Variants in TAOK1 observed in about 807,000 individuals in gnomAD.
TAOK1 encodes serine/threonine-protein kinase TAO1.
In TAOK1, 21 loss-of-function variants were observed where a neutral mutation model predicts 138.3. The ratio of observed to expected loss-of-function variants is 0.15; its 90% CI spans 0.11 to 0.22. TAOK1 has a LOEUF of 0.22. Ranked by LOEUF, TAOK1 falls within the 10% of genes least tolerant of loss-of-function variation. The probability of loss-of-function intolerance (pLI) is 1.00; values close to 1 mark genes in which losing one functional copy is unlikely to be tolerated. For synonymous variants in TAOK1, 361 were observed against 398.4 expected, an observed-to-expected ratio of 0.91 and a Z score of 1.12; for missense variants, 651 against 1,227.7, an observed-to-expected ratio of 0.53 and a Z score of 7.02.
At chr17:29,463,651 G>A (rs1173318030) in intron 2 of TAOK1, among the ~76,000 whole-genome samples, 1 of 152,068 alleles carries the variant, frequency 6.6e-6, no homozygotes, top group Admixed American at 6.6e-5. Context: ...AGAAGAAAAT[G>A]TAGGGATAAA....
intron 1 of TAOK1, among the ~76,000 whole-genome samples, chr17:29,394,150 G>GTTTTT (rs58117433): frequency 0.059 from 2,842 of 48,378 alleles, 657 homozygotes; most frequent in Non-Finnish European, 0.078. Flanking sequence ...TAATTTGCCA[G>GTTTTT]TTTTTTTTTT....
At chr17:29,486,065 C>G (rs1033155647) in intron 8 of TAOK1, among the ~76,000 whole-genome samples, 23 of 152,066 alleles carry the variant, frequency 1.5e-4, no homozygotes, top group African/African-American at 5.6e-4. Context: ...GTGGGAAGAT[C>G]GCTTGAGCCC....
chr17:29,452,813 CTTCA>C (rs1178142859), intron 2 of TAOK1, among the ~76,000 whole-genome samples: 1 of 152,206 alleles, frequency 6.6e-6, no homozygotes, highest in Non-Finnish European at 1.5e-5. Flanking sequence ...TCTGTGAGAA[CTTCA>C]TTCTTCTTTA....
intron 17 of TAOK1, among the ~76,000 whole-genome samples, chr17:29,522,731 C>G (rs1201514488): frequency 1.3e-5 from 2 of 152,136 alleles, no homozygotes; most frequent in East Asian, 1.9e-4. Context: ...GTGGCCAAAA[C>G]TTTTAACCAT....
chr17:29,457,577 T>C (rs1421382724), intron 2 of TAOK1, among the ~76,000 whole-genome samples: 6 of 146,092 alleles, frequency 4.1e-5, no homozygotes, highest in Non-Finnish European at 9.1e-5. Flanking sequence ...GGCTAATTTT[T>C]GTATTTTTAG....
Position 29,439,012 on chromosome 17 carries a change from CT to C in TAOK1, c.-94-12435del, listed in dbSNP as rs556387073. Among the ~76,000 whole-genome samples the C allele has an allele frequency of 7.9e-5, 12 of 151,936 alleles. No individual in the cohort carries two copies. In the South Asian group the frequency reaches 8.3e-4, roughly 10 times the overall value. ...CATATATTGCTATGTTACGTAGACA[CT>C]TTTTTTTCCCTGAACCGTTTGAATT... On this transcript the variant is annotated intron_variant, in intron 1 of 19. Coordinates refer to ENST00000261716, the MANE Select transcript of TAOK1 (RefSeq NM_020791.4).
Position 29,451,460 on chromosome 17 carries a change from T to C in TAOK1, c.-89T>C. The C allele has an allele frequency of 6.9e-7, 1 of 1,444,274 alleles. No individual in the cohort carries two copies. The highest frequency in any genetic ancestry group is 9.1e-7 in the Non-Finnish European group (1 of 1,095,270). 89.5% of individuals were successfully genotyped at this position (1,444,274 alleles called of 1,614,324 possible). ...TTTTTTCTATTTTTCTACAGTAGTTTATGCCAACGTGACTTCATTCATACA... is the reference window on the plus strand; with the variant it reads ...TTTTTTCTATTTTTCTACAGTAGTTCATGCCAACGTGACTTCATTCATACA... On this transcript the variant is annotated 5_prime_UTR_variant, in exon 2 of 20. Transcript: ENST00000261716.
chr17:29,411,250 C>T (rs537466427), intron 1 of TAOK1, among the ~76,000 whole-genome samples: 1 of 151,264 alleles, frequency 6.6e-6, no homozygotes, highest in African/African-American at 2.4e-5. Flanking sequence ...CGCCACTACG[C>T]CCGGCTAATT....
At chr17:29,493,510 G>C (rs1341099947) in intron 10 of TAOK1, among the ~76,000 whole-genome samples, 1 of 151,284 alleles carries the variant, frequency 6.6e-6, no homozygotes, top group East Asian at 1.9e-4. Context: ...AAAAAAAAAG[G>C]AAGAATGTGA....
Position 29,549,559 on chromosome 17 carries a change from A to G in TAOK1, c.*6537A>G, listed in dbSNP as rs1027928565. 1 of 152,226 alleles carries G rather than the reference A, an allele frequency of 6.6e-6. No homozygotes were observed. Among genetic ancestry groups the G allele is most frequent in the Non-Finnish European group, 1.5e-5 (1 of 68,040 alleles). 9.4% of individuals were successfully genotyped at this position (152,226 alleles called of 1,614,324 possible). A position where few individuals can be genotyped will look rare whatever the true frequency, so the allele number is the denominator to read the frequency against. ...TGAGCCCCAAATACATTGCCTGGGC[A>G]TGAACATTGTTACCGTAAATTGCAC... On this transcript the variant is annotated 3_prime_UTR_variant, in exon 20 of 20. Coordinates refer to ENST00000261716, the MANE Select transcript of TAOK1 (RefSeq NM_020791.4).
chr17:29,520,146 A>G (rs2031888644), intron 16 of TAOK1, among the ~76,000 whole-genome samples: 1 of 149,514 alleles, frequency 6.7e-6, no homozygotes, highest in Non-Finnish European at 1.5e-5. Context: ...ACACCACCGC[A>G]CTCCAGCCTG....
Position 29,390,926 on chromosome 17 carries a change from CCCT to C in TAOK1, c.-182_-180del, listed in dbSNP as rs1389817677. 9 of 152,350 alleles carry C rather than the reference CCCT, an allele frequency of 5.9e-5. No individual in the cohort carries two copies. In the East Asian group the frequency reaches 7.8e-4, roughly 13 times the overall value. 9.4% of individuals were successfully genotyped at this position (152,350 alleles called of 1,614,324 possible). The stretch of plus-strand genomic sequence containing the variant: ...GGGGGCGGCGATCTGTCGCCGGGCC[CCCT>C]CCTCCTCCTCACTCCTCACCCTCCA... On this transcript the variant is annotated 5_prime_UTR_variant, in exon 1 of 20. Coordinates refer to ENST00000261716, the MANE Select transcript of TAOK1 (RefSeq NM_020791.4).
intron 1 of TAOK1, among the ~76,000 whole-genome samples, chr17:29,443,523 A>G (rs906377057): frequency 3.9e-5 from 6 of 152,196 alleles, no homozygotes; most frequent in Non-Finnish European, 5.9e-5. Context: ...ACCACCCACA[A>G]AAATTATGTA....
chr17:29,467,148 C>G lies in TAOK1; in HGVS notation c.136C>G (p.Arg46Gly). 1 of 1,586,300 alleles carries G rather than the reference C, an allele frequency of 6.3e-7. No homozygotes were observed. The highest frequency in any genetic ancestry group is 8.6e-7 in the Non-Finnish European group (1 of 1,163,094). Residue 46 changes from arginine (R) to glycine (G), a missense_variant, in exon 3 of 20, where the codon CGA (arginine) becomes GGA (glycine). Arg to Gly is a moderately radical substitution (Grantham distance 125). Transcript: ENST00000261716. ...HGSFGAVYFARDVRTNEVVAI... is the reference protein window; with the variant it reads ...HGSFGAVYFAGDVRTNEVVAI... Reference sequence around the variant, plus strand: ...TCTTTCTTTCTTTCTTCTTTAGGCACGAGATGTGCGTACCAATGAAGTGGT... The same window carrying G: ...TCTTTCTTTCTTTCTTCTTTAGGCAGGAGATGTGCGTACCAATGAAGTGGT...
At chr17:29,393,659 T>C (rs1165277256) in intron 1 of TAOK1, among the ~76,000 whole-genome samples, 1 of 152,220 alleles carries the variant, frequency 6.6e-6, no homozygotes, top group Admixed American at 6.6e-5. Context: ...TTCACTGGAT[T>C]CTCTTTTAAT....
At chr17:29,460,284 C>T (rs527841912) in intron 2 of TAOK1, among the ~76,000 whole-genome samples, 2 of 152,288 alleles carry the variant, frequency 1.3e-5, no homozygotes, top group South Asian at 2.1e-4. Flanking sequence ...CTTCACCTCC[C>T]GGGTTCATGC....
intron 8 of TAOK1, 23 bp from the exon 9 acceptor site, chr17:29,489,641 G>T: frequency 6.4e-7 from 1 of 1,556,244 alleles, no homozygotes; most frequent in Non-Finnish European, 8.8e-7. Context: ...TATTTTAACA[G>T]GAATGTTTCC....
intron 13 of TAOK1, among the ~76,000 whole-genome samples, chr17:29,504,300 G>GAAAAAA (rs2031588946): frequency 7.9e-6 from 1 of 127,254 alleles, no homozygotes. Flanking sequence ...AAAAAAAAAG[G>GAAAAAA]AAAGGAAGAA....
chr17:29,518,295 C>A (rs966919486), intron 16 of TAOK1, among the ~76,000 whole-genome samples: 1 of 152,140 alleles, frequency 6.6e-6, no homozygotes, highest in Non-Finnish European at 1.5e-5. Flanking sequence ...GGCAACATGA[C>A]AAATCCCTGT....
Sources: allele counts gnomAD v4.1 joint callset (sites outside exome capture counted in the v4.1 genomes callset), GRCh38; gene constraint gnomAD v4.1.1; transcripts MANE v1.5; gene names NCBI Gene and HGNC (gene_info 2026-07-23, HGNC 2026-07-21).